NCOR1: variants seen among roughly 807,000 people sequenced by gnomAD.
The protein encoded by NCOR1 is protein phosphatase 1, regulatory subunit 109.
In NCOR1, 63 loss-of-function variants were observed where a neutral mutation model predicts 288.1. The observed-to-expected ratio is 0.22, with a 90% CI of 0.18 to 0.27. The LOEUF is 0.27. Ranked by LOEUF, NCOR1 falls within the 10% of genes least tolerant of loss-of-function variation. The pLI is 1.00. For missense variants in NCOR1, 2,397 were observed against 3,019.2 expected, an observed-to-expected ratio of 0.79 and a Z score of 4.83; for synonymous variants, 1,007 against 1,065.9, an observed-to-expected ratio of 0.94 and a Z score of 1.08.
At chr17:16,198,649 C>T (rs532943590) in intron 1 of NCOR1, 1 of 152,192 alleles carries the variant, frequency 6.6e-6, no homozygotes, top group East Asian at 1.9e-4. Flanking sequence ...TCGCTTGAAC[C>T]CAAGAGGCAG....
intron 3 of NCOR1, among the ~76,000 whole-genome samples, chr17:16,180,769 A>C (rs2085239876): frequency 6.6e-6 from 1 of 151,942 alleles, no homozygotes; most frequent in African/African-American, 2.4e-5. Context: ...ATAAAACAAC[A>C]ACCAGATACC....
intron 45 of NCOR1, among the ~76,000 whole-genome samples, chr17:16,034,436 A>T (rs908692396): frequency 1.3e-5 from 2 of 152,018 alleles, no homozygotes; most frequent in Admixed American, 1.3e-4. Context: ...AAAAAATAAA[A>T]ATTAAAATGA....
intron 40 of NCOR1, among the ~76,000 whole-genome samples, chr17:16,056,734 A>G (rs991938848): frequency 2.6e-5 from 4 of 152,200 alleles, no homozygotes; most frequent in Admixed American, 6.5e-5. Context: ...TTAACCAAAC[A>G]CAGAATATCA....
At chr17:16,124,977 G>A (rs1165691112) in intron 15 of NCOR1, among the ~76,000 whole-genome samples, 1 of 152,184 alleles carries the variant, frequency 6.6e-6, no homozygotes, top group Non-Finnish European at 1.5e-5. Flanking sequence ...AATAACTCAT[G>A]ACTTGCAAAT....
At chr17:16,197,958 T>C (rs2153571025) in intron 1 of NCOR1, among the ~76,000 whole-genome samples, 1 of 151,994 alleles carries the variant, frequency 6.6e-6, no homozygotes, top group South Asian at 2.1e-4. Flanking sequence ...GTTTCTAGAG[T>C]GTCCTTTAGA....
At chr17:16,188,866 A>C (rs1174454293) in intron 2 of NCOR1, among the ~76,000 whole-genome samples, 5 of 151,718 alleles carry the variant, frequency 3.3e-5, no homozygotes, top group African/African-American at 1.2e-4. Flanking sequence ...CTCTACTAAA[A>C]ATACAAAAAC....
intron 3 of NCOR1, among the ~76,000 whole-genome samples, chr17:16,185,979 G>A (rs1244134864): frequency 6.6e-6 from 1 of 151,966 alleles, no homozygotes; most frequent in Non-Finnish European, 1.5e-5. Flanking sequence ...TTCAGAATGA[G>A]AATGAAGTAA....
chr17:16,138,973 A>C (rs1230138603), intron 12 of NCOR1, 35 bp downstream of exon 12: 3 of 1,395,470 alleles, frequency 2.1e-6, no homozygotes, highest in Admixed American at 2.5e-5. Context: ...ACTTATGTAG[A>C]TGTCTATTAG....
At chr17:16,059,181 T>G (rs1232960871) in intron 37 of NCOR1, among the ~76,000 whole-genome samples, 1 of 151,970 alleles carries the variant, frequency 6.6e-6, no homozygotes, top group African/African-American at 2.4e-5. Flanking sequence ...GGGAAACATT[T>G]ATGGAAGAGG....
intron 3 of NCOR1, among the ~76,000 whole-genome samples, chr17:16,175,515 A>C (rs893085010): frequency 6.6e-6 from 1 of 152,206 alleles, no homozygotes; most frequent in African/African-American, 2.4e-5. Flanking sequence ...ATACTTTATC[A>C]TTCGAACTTT....
chr17:16,041,490 T>G (rs185369700), intron 42 of NCOR1, among the ~76,000 whole-genome samples: 2 of 144,516 alleles, frequency 1.4e-5, no homozygotes, highest in African/African-American at 5.1e-5. Context: ...CTAGGCTCAC[T>G]GCAACCTCTG....
At chr17:16,099,321 G>C (rs1300805542) in intron 20 of NCOR1, among the ~76,000 whole-genome samples, 1 of 152,154 alleles carries the variant, frequency 6.6e-6, no homozygotes, top group African/African-American at 2.4e-5. Flanking sequence ...ATATTTCCCA[G>C]TGTTGTCATG....
intron 30 of NCOR1, among the ~76,000 whole-genome samples, 180 bp from the exon 31 acceptor site, chr17:16,070,705 T>C (rs1336015323): frequency 1.3e-5 from 2 of 152,176 alleles, no homozygotes; most frequent in Non-Finnish European, 2.9e-5. Context: ...TTCCACACTC[T>C]ATGCTATAGA....
intron 1 of NCOR1, among the ~76,000 whole-genome samples, chr17:16,209,462 C>T (rs1036201392): frequency 1.3e-5 from 2 of 152,080 alleles, no homozygotes; most frequent in Admixed American, 6.6e-5. Context: ...TAGCTCATGC[C>T]TGTAATCCCA....
Position 16,061,870 on chromosome 17 carries a change from T to G in NCOR1, c.5412A>C (p.Ser1804=), listed in dbSNP as rs777700568. ...GGGAGGCTGGCAGGCCTTGGCTTATTGAAGGGCCCCCAGCAGGCAGTGGCC... is the reference window on the plus strand; with the variant it reads ...GGGAGGCTGGCAGGCCTTGGCTTATGGAAGGGCCCCCAGCAGGCAGTGGCC... ...RIMPLPAGGP[S]ISQGLPASRY... Residue 1804 remains serine (S), a synonymous_variant, in exon 37 of 46, where the codon TCA becomes TCC. Transcript: ENST00000268712. 5.6e-6 allele frequency: 9 copies of G among 1,611,574 alleles called. No homozygotes were observed. The highest frequency in any genetic ancestry group is 5.1e-6 in the Non-Finnish European group (6 of 1,178,430).
At chr17:16,203,836 G>C (rs2091171854) in intron 1 of NCOR1, among the ~76,000 whole-genome samples, 1 of 152,146 alleles carries the variant, frequency 6.6e-6, no homozygotes, top group Admixed American at 6.6e-5. Context: ...AAATCTATTT[G>C]AACACAGGAC....
intron 2 of NCOR1, 148 bp from the exon 3 acceptor site, chr17:16,186,835 C>T: frequency 4.4e-6 from 3 of 683,006 alleles, no homozygotes; most frequent in Non-Finnish European, 7.1e-6. Context: ...TAATTCTTCC[C>T]CTTAAAATAA....
intron 11 of NCOR1, among the ~76,000 whole-genome samples, chr17:16,139,781 A>G (rs1203624132): frequency 1.3e-5 from 2 of 152,222 alleles, no homozygotes; most frequent in Non-Finnish European, 2.9e-5. Flanking sequence ...TTACACGTGC[A>G]GAACTTATTT....
At position 16,172,840 on chromosome 17, in the gene NCOR1, A is replaced by G. The variant is rs114182553; in HGVS notation, c.243-845T>C. ...CAGGTGTTTACAGAGGTGATATTGTATCTCATGGCCAACCTGTAAACTAAT... is the reference window on the plus strand; with the variant it reads ...CAGGTGTTTACAGAGGTGATATTGTGTCTCATGGCCAACCTGTAAACTAAT... On this transcript the variant is annotated intron_variant, in intron 3 of 45. Transcript: ENST00000268712. Among the ~76,000 whole-genome samples, 970 of 152,220 alleles carry G rather than the reference A, an allele frequency of 6.4e-3. 18 individuals are homozygous for G. Among genetic ancestry groups the G allele is most frequent in the African/African-American group, 0.022 (902 of 41,550 alleles).
Sources: gnomAD v4.1 joint callset for allele counts (sites outside exome capture counted in the v4.1 genomes callset) on GRCh38, gnomAD v4.1.1 for gene constraint, MANE v1.5 for transcripts, NCBI Gene and HGNC (gene_info 2026-07-23, HGNC 2026-07-21) for gene names.